OR2L13: variants seen among roughly 807,000 people sequenced by gnomAD.
OR2L13 encodes the protein olfactory receptor 2L13.
A neutral mutation model predicts 15.3 loss-of-function variants in OR2L13; 14 were observed. That is an observed-to-expected ratio of 0.91 (90% confidence interval 0.60 to 1.43). The LOEUF is 1.43. Among genes scored for constraint, OR2L13 ranks in the 40% most tolerant of loss-of-function variants. The pLI is 0.00. For synonymous variants in OR2L13, 152 were observed against 142.9 expected (o/e 1.06, Z -0.45); for missense variants, 367 against 387.9 (o/e 0.95, Z 0.45).
the OR2L13 span, chr1:248,022,572 C>G: frequency 9.0e-4 from 1,459 of 1,614,150 alleles, 2 homozygotes; most frequent in South Asian, 2.3e-3. Flanking sequence ...TCTTGTGTTT[C>G]CCTTCACTGG....
At chr1:247,975,275 C>A in the OR2L13 span, 405,811 of 448,114 alleles carry the variant, frequency 0.91, 186,472 homozygotes, top group South Asian at 0.98. Flanking sequence ...GCCATGGTGA[C>A]TCTGGCCTTC....
the OR2L13 span, among the ~76,000 whole-genome samples, chr1:248,011,798 T>G: frequency 1.3e-5 from 2 of 152,172 alleles, no homozygotes; most frequent in African/African-American, 4.8e-5. Flanking sequence ...CCATGGGCAA[T>G]TGAACCCTGT....
At chr1:247,955,228 T>C in the OR2L13 span, among the ~76,000 whole-genome samples, 1 of 152,128 alleles carries the variant, frequency 6.6e-6, no homozygotes, top group South Asian at 2.1e-4. Flanking sequence ...GATAGTTTGC[T>C]GAGAACGATG....
At chr1:247,992,713 T>A in the OR2L13 span, among the ~76,000 whole-genome samples, 1 of 152,182 alleles carries the variant, frequency 6.6e-6, no homozygotes, top group Admixed American at 6.5e-5. Flanking sequence ...GCTCTTACTG[T>A]TTTTTATAGC....
chr1:247,994,799 G>A, the OR2L13 span, among the ~76,000 whole-genome samples: 1 of 152,154 alleles, frequency 6.6e-6, no homozygotes, highest in African/African-American at 2.4e-5. Flanking sequence ...TAAGTTGAGT[G>A]TGGTAATCAT....
the OR2L13 span, among the ~76,000 whole-genome samples, chr1:248,059,079 T>G: frequency 4.1e-4 from 62 of 152,076 alleles, no homozygotes; most frequent in African/African-American, 1.5e-3. Context: ...TCACAACAAT[T>G]CATTCTTTCT....
chr1:248,014,745 C>T, the OR2L13 span, among the ~76,000 whole-genome samples: 11 of 152,242 alleles, frequency 7.2e-5, no homozygotes, highest in African/African-American at 9.6e-5. Flanking sequence ...AAGTAATACA[C>T]GGTCACTATG....
At chr1:247,961,024 C>T in the OR2L13 span, among the ~76,000 whole-genome samples, 46 of 152,256 alleles carry the variant, frequency 3.0e-4, no homozygotes, top group South Asian at 8.1e-3. Flanking sequence ...CCGTCTTCTG[C>T]GTCGCTCACG....
At chr1:248,083,544 A>G in the OR2L13 span, 2 of 940,226 alleles carry the variant, frequency 2.1e-6, no homozygotes, top group African/African-American at 3.3e-5. Context: ...CACAAACTTA[A>G]TTTTCTGTTC....
chr1:247,991,316 T>C, the OR2L13 span: 1 of 679,092 alleles, frequency 1.5e-6, no homozygotes, highest in South Asian at 2.2e-5. Flanking sequence ...GAAATTAATC[T>C]AAAAGATTTG....
chr1:248,020,957 A>G, the OR2L13 span, among the ~76,000 whole-genome samples: 1 of 151,788 alleles, frequency 6.6e-6, no homozygotes, highest in Non-Finnish European at 1.5e-5. Flanking sequence ...TTCAAGAAGG[A>G]AATATAAGTT....
the OR2L13 span, among the ~76,000 whole-genome samples, chr1:247,996,410 G>T: frequency 2.8e-3 from 431 of 152,278 alleles, 1 homozygote; most frequent in African/African-American, 9.9e-3. Context: ...CAAATGCACT[G>T]AACACAGACA....
the OR2L13 span, chr1:247,948,814 A>T: frequency 6.6e-7 from 1 of 1,508,378 alleles, no homozygotes. Flanking sequence ...CTGTACGTAA[A>T]TTACTCTTGT....
chr1:248,013,233 A>G, the OR2L13 span, among the ~76,000 whole-genome samples: 2 of 152,174 alleles, frequency 1.3e-5, no homozygotes, highest in Non-Finnish European at 2.9e-5. Context: ...AGAAATTAAT[A>G]TATACAGACA....
the OR2L13 span, among the ~76,000 whole-genome samples, chr1:247,941,659 C>G: frequency 6.6e-6 from 1 of 151,068 alleles, no homozygotes; most frequent in Non-Finnish European, 1.5e-5. Context: ...GAGAGAGAGA[C>G]CTTGTCATGA....
chr1:248,006,042 G>A, the OR2L13 span, among the ~76,000 whole-genome samples: 1 of 152,058 alleles, frequency 6.6e-6, no homozygotes, highest in African/African-American at 2.4e-5. Context: ...AACAGAGATG[G>A]GCTCTGGAGC....
At chr1:248,041,663 GA>G in the OR2L13 span, 1 of 151,812 alleles carries the variant, frequency 6.6e-6, no homozygotes, top group African/African-American at 2.4e-5. Flanking sequence ...AAACTTACAA[GA>G]AAAAAACAAA....
At chr1:247,958,101 A>G in the OR2L13 span, among the ~76,000 whole-genome samples, 1 of 152,076 alleles carries the variant, frequency 6.6e-6, no homozygotes, top group Non-Finnish European at 1.5e-5. Flanking sequence ...TTCCCTCTAC[A>G]TACTGCTTTG....
At chr1:248,085,593 A>G in the OR2L13 span, among the ~76,000 whole-genome samples, 1 of 151,802 alleles carries the variant, frequency 6.6e-6, no homozygotes, top group Non-Finnish European at 1.5e-5. Flanking sequence ...CTGCAAAGTT[A>G]CATAACTTGT....
Sources: allele counts gnomAD v4.1 joint callset (sites outside exome capture counted in the v4.1 genomes callset), GRCh38; gene constraint gnomAD v4.1.1; transcripts MANE v1.5; gene names NCBI Gene and HGNC (gene_info 2026-07-23, HGNC 2026-07-21).